EPN2: variants seen among roughly 807,000 people sequenced by gnomAD.
EPN2 encodes the protein epsin 2, also known as epsin-2.
Under a neutral mutation model 61.7 loss-of-function variants are expected in EPN2, and 34 were observed. The ratio of observed to expected loss-of-function variants is 0.55; its 90% CI spans 0.42 to 0.73. The LOEUF is 0.73. Among genes scored for constraint, EPN2 ranks in the 30% least tolerant of loss-of-function variants. The pLI, the probability that EPN2 is intolerant of heterozygous loss-of-function variation, is 0.00. For missense variants in EPN2, 714 were observed against 839.2 expected, an observed-to-expected ratio of 0.85 and a Z score of 1.84; for synonymous variants, 349 against 353.6, an observed-to-expected ratio of 0.99 and a Z score of 0.15.
At chr17:19,311,324 A>G (rs1906126621) in intron 5 of EPN2, among the ~76,000 whole-genome samples, 1 of 152,104 alleles carries the variant, frequency 6.6e-6, no homozygotes, top group Non-Finnish European at 1.5e-5. Context: ...GGACGGTTTG[A>G]GCCCATTTTA....
chr17:19,277,458 A>G (rs1242362008), intron 1 of EPN2, among the ~76,000 whole-genome samples: 13 of 150,852 alleles, frequency 8.6e-5, no homozygotes, highest in Admixed American at 8.6e-4. Flanking sequence ...AGGGTGGTAT[A>G]TGTTTGGAGC....
At chr17:19,304,512 T>C (rs914273089) in intron 4 of EPN2, among the ~76,000 whole-genome samples, 2 of 152,186 alleles carry the variant, frequency 1.3e-5, no homozygotes, top group Non-Finnish European at 2.9e-5. Flanking sequence ...GGCCACGCTT[T>C]CTGTGTGTGA....
At chr17:19,257,438 C>CTA (rs2045092073) in intron 1 of EPN2, among the ~76,000 whole-genome samples, 1 of 152,012 alleles carries the variant, frequency 6.6e-6, no homozygotes, top group Non-Finnish European at 1.5e-5. Flanking sequence ...AGCACTTGAC[C>CTA]TATAGCCTTA....
At chr17:19,251,302 G>A (rs2045012479) in intron 1 of EPN2, among the ~76,000 whole-genome samples, 1 of 152,150 alleles carries the variant, frequency 6.6e-6, no homozygotes. Flanking sequence ...GCTTCTTACT[G>A]CATCTGGAGA....
At chr17:19,241,975 G>A (rs2044889227) in intron 1 of EPN2, among the ~76,000 whole-genome samples, 2 of 152,154 alleles carry the variant, frequency 1.3e-5, no homozygotes, top group Admixed American at 1.3e-4. Flanking sequence ...TTTGTTGTCT[G>A]AAAGTCACCA....
At chr17:19,317,386 C>G (rs1369859402) in intron 7 of EPN2, among the ~76,000 whole-genome samples, 1 of 152,248 alleles carries the variant, frequency 6.6e-6, no homozygotes, top group Admixed American at 6.5e-5. Context: ...GGAGCCCTCT[C>G]TCTGTACTCC....
intron 1 of EPN2, chr17:19,249,396 C>T (rs2044988270): frequency 6.6e-6 from 1 of 152,230 alleles, no homozygotes; most frequent in African/African-American, 2.4e-5. Flanking sequence ...CTCCTCTACT[C>T]CAGGCCAGTT....
intron 1 of EPN2, among the ~76,000 whole-genome samples, chr17:19,239,622 G>A (rs186003160): frequency 1.3e-5 from 2 of 152,342 alleles, no homozygotes; most frequent in Admixed American, 1.3e-4. Flanking sequence ...GTTACTGTAA[G>A]GCATGATTCA....
At chr17:19,265,546 G>A (rs1254514622) in intron 1 of EPN2, among the ~76,000 whole-genome samples, 2 of 152,194 alleles carry the variant, frequency 1.3e-5, no homozygotes, top group East Asian at 3.8e-4. Context: ...GGCACTGGAT[G>A]GTTCTCTTGT....
intron 7 of EPN2, among the ~76,000 whole-genome samples, chr17:19,323,184 A>T (rs1906720132): frequency 6.6e-6 from 1 of 152,146 alleles, no homozygotes. Context: ...AATAATAGTT[A>T]TGGTGCTGTA....
chr17:19,265,616 T>C (rs577305148), intron 1 of EPN2, among the ~76,000 whole-genome samples: 1 of 152,126 alleles, frequency 6.6e-6, no homozygotes, highest in Non-Finnish European at 1.5e-5. Flanking sequence ...GCCTCCTCCT[T>C]AATTGCATTC....
chr17:19,312,243 G>A, intron 6 of EPN2, 99 bp downstream of exon 6: 1 of 836,206 alleles, frequency 1.2e-6, no homozygotes, highest in Non-Finnish European at 2.0e-6. Context: ...TGCACAGTGA[G>A]TTCTCCAACC....
intron 7 of EPN2, among the ~76,000 whole-genome samples, chr17:19,327,326 A>G (rs557825567): frequency 9.2e-5 from 14 of 152,202 alleles, no homozygotes; most frequent in African/African-American, 3.1e-4. Flanking sequence ...TGTGGAGTGA[A>G]CAAAGCCAGC....
rs577303681 is a variant in EPN2 at position 19,304,180 on chromosome 17, C to G, written c.767-5705C>G. On this transcript the variant is annotated intron_variant, in intron 4 of 10. Transcript: ENST00000314728. ...ATTTGCCTCGTTAGACTAAAAGCAGCCTTCCCAGCATCTCCCTGCGAGGAG... is the reference window on the plus strand; with the variant it reads ...ATTTGCCTCGTTAGACTAAAAGCAGGCTTCCCAGCATCTCCCTGCGAGGAG... Among the ~76,000 whole-genome samples, 4 of 152,274 alleles carry G rather than the reference C, an allele frequency of 2.6e-5. No individual in the cohort carries two copies. In the South Asian group the frequency reaches 8.3e-4, roughly 32 times the overall value.
rs546167062 is a variant in EPN2 at position 19,259,564 on chromosome 17, G to A, written c.-294+22033G>A. On this transcript the variant is annotated intron_variant, in intron 1 of 10. Coordinates refer to ENST00000314728, the MANE Select transcript of EPN2 (RefSeq NM_014964.5). ...CCTGACCTTGTGATCTGCCCGCCTC[G>A]GCCTCCCAAAGTGCTGGGTTTACAG... 1.4e-4 allele frequency among the ~76,000 whole-genome samples: 21 copies of A among 152,172 alleles called. No individual in the cohort carries two copies. In the East Asian group the frequency reaches 3.7e-3, roughly 27 times the overall value.
intron 4 of EPN2, among the ~76,000 whole-genome samples, chr17:19,295,750 C>T (rs1450315960): frequency 2.6e-5 from 4 of 152,094 alleles, no homozygotes; most frequent in Admixed American, 2.0e-4. Flanking sequence ...TTAAATCTCC[C>T]AAAATGTCCC....
At chr17:19,291,374 C>T (rs963150431) in intron 4 of EPN2, among the ~76,000 whole-genome samples, 3 of 149,200 alleles carry the variant, frequency 2.0e-5, no homozygotes, top group African/African-American at 7.4e-5. Context: ...TAAGGGGAAA[C>T]AGGATTTCTC....
At chr17:19,266,105 T>C (rs1197683168) in intron 1 of EPN2, among the ~76,000 whole-genome samples, 1 of 152,146 alleles carries the variant, frequency 6.6e-6, no homozygotes, top group Non-Finnish European at 1.5e-5. Context: ...TTGATCAAGA[T>C]TCAGAAATAC....
intron 1 of EPN2, among the ~76,000 whole-genome samples, chr17:19,269,428 G>A (rs1283989481): frequency 1.3e-5 from 2 of 152,210 alleles, no homozygotes; most frequent in Non-Finnish European, 1.5e-5. Context: ...GAACAGTGCA[G>A]GTTTCTCAGG....
Sources: gnomAD v4.1 joint callset for allele counts (sites outside exome capture counted in the v4.1 genomes callset) on GRCh38, gnomAD v4.1.1 for gene constraint, MANE v1.5 for transcripts, NCBI Gene and HGNC (gene_info 2026-07-23, HGNC 2026-07-21) for gene names.